The following CPT1A variants were observed in gnomAD, a reference collection of about 807,000 sequenced individuals.
CPT1A encodes the protein carnitine palmitoyltransferase 1A, also known as carnitine O-palmitoyltransferase 1, liver isoform.
In CPT1A, 64 loss-of-function variants were observed where a neutral mutation model predicts 100.8. The ratio of observed to expected loss-of-function variants is 0.63; its 90% CI spans 0.52 to 0.78. The LOEUF is 0.78. Ranked by LOEUF, CPT1A falls within the 30% of genes least tolerant of loss-of-function variation. The pLI, the probability that CPT1A is intolerant of heterozygous loss-of-function variation, is 0.00. For missense variants in CPT1A, 802 were observed against 1,034.1 expected, an observed-to-expected ratio of 0.78 and a Z score of 3.08; for synonymous variants, 363 against 396.0, an observed-to-expected ratio of 0.92 and a Z score of 0.99.
At chr11:68,814,977 G>T (rs908245478) in intron 2 of CPT1A, among the ~76,000 whole-genome samples, 1 of 152,182 alleles carries the variant, frequency 6.6e-6, no homozygotes, top group Non-Finnish European at 1.5e-5. Context: ...GTGAGCCACT[G>T]CACCTGGCCT....
Position 68,796,902 on chromosome 11 carries a change from A to T in CPT1A, c.725T>A (p.Leu242His), listed in dbSNP as rs1454940334. The T allele has an allele frequency of 6.2e-7, 1 of 1,613,954 alleles. No individual in the cohort carries two copies. Among genetic ancestry groups the T allele is most frequent in the Non-Finnish European group, 8.5e-7 (1 of 1,180,014 alleles). The change falls in exon 7 of 19, where the codon CTC becomes CAC. Residue 242 changes from leucine (L) to histidine (H), a missense_variant. By Grantham distance (99) the Leu-to-His change is moderately conservative. Around this residue, in one of 4 missense-constraint regions of CPT1A, gnomAD observed 627 missense variants for 799.3 expected, o/e 0.78. Transcript: ENST00000265641. ...CACCATGAGCGGCCCTCGTCCTCGG[A>T]GGTAGATGTACTCCTCCCACCAGTC... is the stretch of plus-strand genomic sequence containing the variant. ...VSDWWEEYIY[L>H]RGRGPLMVNS... is the part of the protein sequence containing the mutation.
intron 1 of CPT1A, among the ~76,000 whole-genome samples, chr11:68,816,424 G>A (rs917270576): frequency 2.0e-5 from 3 of 152,206 alleles, no homozygotes; most frequent in Non-Finnish European, 2.9e-5. Flanking sequence ...CGGGCTAAAC[G>A]GATCCCGGGG....
intron 14 of CPT1A, among the ~76,000 whole-genome samples, chr11:68,763,100 T>C (rs1453742855): frequency 1.3e-5 from 2 of 152,196 alleles, no homozygotes; most frequent in Non-Finnish European, 2.9e-5. Context: ...CCACCCGCCT[T>C]GGCTTCCCAA....
At chr11:68,777,874 GATTT>G (rs1056776832) in intron 12 of CPT1A, among the ~76,000 whole-genome samples, 27 of 152,284 alleles carry the variant, frequency 1.8e-4, no homozygotes, top group African/African-American at 6.5e-4. Context: ...GCTGTGCAGA[GATTT>G]ATTAAAGCGT....
intron 13 of CPT1A, among the ~76,000 whole-genome samples, chr11:68,774,781 CAAAAAAAAA>C (rs1169875761): frequency 1.8e-5 from 1 of 54,282 alleles, no homozygotes; most frequent in Non-Finnish European, 3.8e-5. Flanking sequence ...GACTACATCT[CAAAAAAAAA>C]AAAAAAAAAG....
intron 9 of CPT1A, among the ~76,000 whole-genome samples, chr11:68,793,096 C>T (rs1375206386): frequency 6.6e-6 from 1 of 152,102 alleles, no homozygotes; most frequent in Non-Finnish European, 1.5e-5. Context: ...AGACAGTTGG[C>T]AGTCTTCAAC....
At chr11:68,762,838 T>C (rs546436155) in intron 14 of CPT1A, 77 bp from the exon 15 acceptor site, 39 of 1,590,796 alleles carry the variant, frequency 2.5e-5, no homozygotes, top group Middle Eastern at 3.3e-4. Flanking sequence ...TTGGGTAAGA[T>C]TGGCAAGGAG....
At chr11:68,819,173 G>T (rs1476533621) in intron 1 of CPT1A, among the ~76,000 whole-genome samples, 1 of 152,118 alleles carries the variant, frequency 6.6e-6, no homozygotes, top group African/African-American at 2.4e-5. Context: ...CCACCTCCCG[G>T]GTTCAAGCGA....
At chr11:68,758,973 G>A (rs913164138) in intron 18 of CPT1A, among the ~76,000 whole-genome samples, 1 of 152,102 alleles carries the variant, frequency 6.6e-6, no homozygotes, top group African/African-American at 2.4e-5. Context: ...CTTATGGCTG[G>A]GCACAGTGGC....
rs533801224 is a variant in CPT1A at position 68,826,099 on chromosome 11, C to G, written c.-13-10612G>C. On this transcript the variant is annotated intron_variant, in intron 1 of 18. Coordinates refer to ENST00000265641, the MANE Select transcript of CPT1A (RefSeq NM_001876.4). ...CCCTGGAGAGTAGAGGGCCCCAGAC[C>G]AGAGTCTGAGAGTGGTCAGCACGTT... Among the ~76,000 whole-genome samples the G allele has an allele frequency of 2.0e-5, 3 of 152,328 alleles. No individual in the cohort carries two copies. The East Asian group carries it at 5.8e-4, about 29-fold the overall frequency.
At chr11:68,804,154 C>A (rs1855981942) in intron 4 of CPT1A, 53 bp from the exon 5 acceptor site, 1 of 1,393,696 alleles carries the variant, frequency 7.2e-7, no homozygotes, top group Non-Finnish European at 1.0e-6. Flanking sequence ...TCTGAAGGCA[C>A]CTGTTCTCGT....
intron 14 of CPT1A, among the ~76,000 whole-genome samples, chr11:68,770,332 C>A (rs927223216): frequency 1.3e-5 from 2 of 152,178 alleles, no homozygotes; most frequent in Non-Finnish European, 2.9e-5. Context: ...TGCAACTCTG[C>A]GCTGGGCCGG....
At chr11:68,804,173 G>A (rs1855982397) in intron 4 of CPT1A, 72 bp from the exon 5 acceptor site, 13 of 1,167,264 alleles carry the variant, frequency 1.1e-5, no homozygotes, top group East Asian at 7.1e-5. Context: ...GTCTGATCTC[G>A]TGAAGCTAAG....
upstream of CPT1A, chr11:68,842,051 G>T: frequency 2.5e-6 from 2 of 808,630 alleles, no homozygotes; most frequent in Non-Finnish European, 3.0e-6. Context: ...GCGGGTGCTC[G>T]CGTCCTCGAC....
At chr11:68,800,430 C>T (rs1283237329) in intron 5 of CPT1A, among the ~76,000 whole-genome samples, 1 of 149,378 alleles carries the variant, frequency 6.7e-6, no homozygotes, top group Non-Finnish European at 1.5e-5. Context: ...TGCTTGAGCC[C>T]AAGCAATCTT....
At chr11:68,788,306 A>C (rs983915207) in intron 9 of CPT1A, among the ~76,000 whole-genome samples, 2 of 152,184 alleles carry the variant, frequency 1.3e-5, no homozygotes, top group East Asian at 3.9e-4. Context: ...TCGCCTAAAA[A>C]ACAAAAAAGG....
At chr11:68,792,120 C>T (rs1594343167) in intron 9 of CPT1A, among the ~76,000 whole-genome samples, 1 of 151,872 alleles carries the variant, frequency 6.6e-6, no homozygotes, top group South Asian at 2.1e-4. Context: ...GGGACGATCA[C>T]GAGGTCAGGA....
chr11:68,808,459 C>T (rs1285279082), intron 3 of CPT1A, among the ~76,000 whole-genome samples: 1 of 151,390 alleles, frequency 6.6e-6, no homozygotes. Flanking sequence ...GCAACCTCCG[C>T]CTCCCAGGTT....
chr11:68,778,685 G>A lies in CPT1A; in HGVS notation c.1458+1955C>T, dbSNP rs547194287. ...CACACCAGCCTGGGTGACAGAACAA[G>A]ACGCCATCTCAAAAAAAAAAGTCAA... On this transcript the variant is annotated intron_variant, in intron 12 of 18. Transcript: ENST00000265641. Among the ~76,000 whole-genome samples, 5 of 151,166 alleles carry A rather than the reference G, an allele frequency of 3.3e-5. 1 individual carries two copies. In the South Asian group the frequency reaches 1.0e-3, roughly 32 times the overall value.
Sources: allele counts gnomAD v4.1 joint callset (sites outside exome capture counted in the v4.1 genomes callset), GRCh38; gene constraint gnomAD v4.1.1; regional missense constraint gnomAD v4.1.1; transcripts MANE v1.5; gene names NCBI Gene and HGNC (gene_info 2026-07-23, HGNC 2026-07-21).